Variants in FHIT observed in about 807,000 individuals in gnomAD.
FHIT encodes fragile histidine triad diadenosine triphosphatase, also known as bis(5'-adenosyl)-triphosphatase.
FHIT carries 19 observed loss-of-function variants against 17.9 expected under a neutral mutation model. The ratio of observed to expected loss-of-function variants is 1.06; its 90% confidence interval spans 0.74 to 1.56. The LOEUF is 1.56. FHIT is among the 40% of genes most tolerant of loss of function. The pLI, the probability that FHIT is intolerant of heterozygous loss-of-function variation, is 0.00. For missense variants in FHIT, 248 were observed against 189.2 expected (o/e 1.31, Z -1.82); for synonymous variants, 81 against 69.7 (o/e 1.16, Z -0.81).
At chr3:60,505,105 G>A (rs1042935053) in intron 5 of FHIT, among the ~76,000 whole-genome samples, 6 of 152,084 alleles carry the variant, frequency 3.9e-5, no homozygotes, top group African/African-American at 1.4e-4. Context: ...ATCATGAGCT[G>A]TAAAAACAGA....
chr3:59,876,578 GA>G (rs1321830693), intron 8 of FHIT, among the ~76,000 whole-genome samples: 4 of 152,168 alleles, frequency 2.6e-5, no homozygotes, highest in Non-Finnish European at 5.9e-5. Context: ...AGAAGAGGTG[GA>G]GGGGACTCAT....
intron 8 of FHIT, among the ~76,000 whole-genome samples, chr3:59,911,571 C>T (rs1704877977): frequency 6.6e-6 from 1 of 152,186 alleles, no homozygotes; most frequent in South Asian, 2.1e-4. Context: ...CACAAAGTTC[C>T]ACTGTGCCTC....
chr3:60,138,367 C>A (rs184612043), intron 5 of FHIT, among the ~76,000 whole-genome samples: 40 of 152,222 alleles, frequency 2.6e-4, no homozygotes, highest in African/African-American at 8.7e-4. Context: ...CAGGTAACAA[C>A]AACAACAAAA....
intron 5 of FHIT, among the ~76,000 whole-genome samples, chr3:60,107,748 G>A (rs1156348705): frequency 2.0e-5 from 3 of 152,084 alleles, no homozygotes; most frequent in African/African-American, 7.2e-5. Flanking sequence ...TCACTTATGA[G>A]GTCTGATATC....
chr3:61,242,688 T>A, intron 1 of FHIT, among the ~76,000 whole-genome samples: 1 of 152,108 alleles, frequency 6.6e-6, no homozygotes, highest in East Asian at 1.9e-4. Context: ...GAGACTGGGA[T>A]TTTTTAAGGA....
At chr3:60,438,299 T>C (rs974801501) in intron 5 of FHIT, among the ~76,000 whole-genome samples, 2 of 152,036 alleles carry the variant, frequency 1.3e-5, no homozygotes, top group African/African-American at 2.4e-5. Context: ...ATGAGACATG[T>C]GGCACATGGA....
chr3:60,351,282 G>C (rs1251558781), intron 5 of FHIT, among the ~76,000 whole-genome samples: 1 of 152,122 alleles, frequency 6.6e-6, no homozygotes, highest in Non-Finnish European at 1.5e-5. Context: ...TTTATTTTTT[G>C]TAATAGTACT....
At chr3:61,047,756 T>C (rs931995333) in intron 2 of FHIT, among the ~76,000 whole-genome samples, 2 of 152,076 alleles carry the variant, frequency 1.3e-5, no homozygotes, top group Middle Eastern at 3.4e-3. Flanking sequence ...CCAAACAGCA[T>C]GATACTGGTA....
chr3:60,421,977 A>G (rs1379817573), intron 5 of FHIT, among the ~76,000 whole-genome samples: 2 of 152,164 alleles, frequency 1.3e-5, no homozygotes, highest in East Asian at 3.9e-4. Flanking sequence ...GTAAAAGATT[A>G]GAGATTGATT....
At chr3:59,763,891 C>T (rs1337323307) in intron 8 of FHIT, among the ~76,000 whole-genome samples, 1 of 152,186 alleles carries the variant, frequency 6.6e-6, no homozygotes, top group East Asian at 1.9e-4. Flanking sequence ...TTCCCTTTAG[C>T]ACTGGAGGCG....
intron 4 of FHIT, chr3:60,730,719 C>T (rs563112269): frequency 1.3e-5 from 2 of 152,572 alleles, no homozygotes; most frequent in South Asian, 2.1e-4. Flanking sequence ...CTACTGCCTT[C>T]GCCTACCTGG....
rs533663973 is a variant in FHIT, at chr3:60,715,552, A to G, written c.-18+106367T>C. Among the ~76,000 whole-genome samples, 9 of 146,334 alleles carry G rather than the reference A, an allele frequency of 6.2e-5. No individual in the cohort carries two copies. In the Admixed American group the frequency reaches 6.3e-4, roughly 10 times the overall value. On this transcript the variant is annotated intron_variant, in intron 4 of 9. Coordinates refer to ENST00000492590, the MANE Select transcript of FHIT (RefSeq NM_002012.4). ...AACCAAACACCACGTGTTCTCACTC[A>G]TAGATGGGAATTGAACAATGAGAAC... is the stretch of plus-strand genomic sequence containing the variant.
chr3:60,934,833 T>C (rs138033302), intron 3 of FHIT, among the ~76,000 whole-genome samples: 4 of 152,074 alleles, frequency 2.6e-5, no homozygotes, highest in Admixed American at 6.5e-5. Flanking sequence ...TGGGAAAAAA[T>C]GAGTCAAAAA....
chr3:59,838,068 C>T (rs1701401608), intron 8 of FHIT, among the ~76,000 whole-genome samples: 3 of 152,134 alleles, frequency 2.0e-5, no homozygotes, highest in Admixed American at 6.6e-5. Flanking sequence ...TCTCCATTTT[C>T]CTCACTGCTC....
chr3:60,270,885 G>C (rs1326270159), intron 5 of FHIT, among the ~76,000 whole-genome samples: 1 of 152,184 alleles, frequency 6.6e-6, no homozygotes, highest in East Asian at 1.9e-4. Context: ...GTGCACAGCA[G>C]ACTGACAATG....
intron 1 of FHIT, among the ~76,000 whole-genome samples, chr3:61,215,552 G>GTC: frequency 1.3e-5 from 2 of 152,102 alleles, no homozygotes; most frequent in African/African-American, 2.4e-5. Context: ...TCAATATCAT[G>GTC]AAAATGGCCA....
intron 4 of FHIT, among the ~76,000 whole-genome samples, chr3:60,726,740 T>C (rs1328552304): frequency 6.6e-6 from 1 of 152,166 alleles, no homozygotes; most frequent in Non-Finnish European, 1.5e-5. Flanking sequence ...AACCAAGGCA[T>C]ATGAAGTAAG....
At chr3:61,178,764 C>G (rs2038233414) in intron 2 of FHIT, among the ~76,000 whole-genome samples, 1 of 151,882 alleles carries the variant, frequency 6.6e-6, no homozygotes, top group Non-Finnish European at 1.5e-5. Context: ...ACCATTTTAT[C>G]TATTAGGATA....
chr3:60,954,437 G>C (rs1027434989), intron 3 of FHIT, among the ~76,000 whole-genome samples: 2 of 152,170 alleles, frequency 1.3e-5, no homozygotes, highest in Non-Finnish European at 2.9e-5. Context: ...GGAGAGTTTA[G>C]AGAAGCTTTG....
Sources: allele counts gnomAD v4.1 joint callset (sites outside exome capture counted in the v4.1 genomes callset), GRCh38; gene constraint gnomAD v4.1.1; transcripts MANE v1.5; gene names NCBI Gene and HGNC (gene_info 2026-07-23, HGNC 2026-07-21).